FYN: variants seen among roughly 807,000 people sequenced by gnomAD.
The protein encoded by FYN is tyrosine-protein kinase Fyn.
A neutral mutation model predicts 70.2 loss-of-function variants in FYN; 10 were observed. The observed-to-expected ratio is 0.14, with a 90% CI of 0.09 to 0.24. FYN has a LOEUF of 0.24. FYN is among the 10% of genes least tolerant of loss of function. The pLI, the probability that FYN is intolerant of heterozygous loss-of-function variation, is 1.00. For missense variants in FYN, 319 were observed against 673.1 expected, an observed-to-expected ratio of 0.47 and a Z score of 5.82; for synonymous variants, 236 against 248.6, an observed-to-expected ratio of 0.95 and a Z score of 0.48.
Position 111,873,059 on chromosome 6 carries a change from G to T in FYN, c.-214C>A, listed in dbSNP as rs1240709228. On this transcript the variant is annotated 5_prime_UTR_variant, in exon 1 of 14. Coordinates refer to ENST00000354650, the MANE Select transcript of FYN (RefSeq NM_002037.5). The stretch of plus-strand genomic sequence containing the variant: ...GAGGCGGCTCCGGGGGGTCCCCGGC[G>T]GGCCCGGGAGCCGGTGGGCCTTCCG... 6.7e-6 allele frequency: 1 copy of T among 148,484 alleles called. No individual in the cohort carries two copies. The highest frequency in any genetic ancestry group is 6.7e-5 in the Admixed American group (1 of 15,008). The allele number at this position is 148,484 out of a possible 1,614,324, so 9.2% of individuals were successfully genotyped here. A position where few individuals can be genotyped will look rare whatever the true frequency, so the allele number is the denominator to read the frequency against.
chr6:111,804,346 C>T (rs1772083608), intron 2 of FYN, among the ~76,000 whole-genome samples: 1 of 152,166 alleles, frequency 6.6e-6, no homozygotes, highest in South Asian at 2.1e-4. Context: ...ACCCTCTGTT[C>T]TGGGCATTCC....
intron 2 of FYN, among the ~76,000 whole-genome samples, chr6:111,812,415 C>T (rs900216521): frequency 3.3e-5 from 5 of 152,256 alleles, no homozygotes; most frequent in Admixed American, 1.3e-4. Context: ...GTCTACTCTA[C>T]TGGCTGTAAA....
At chr6:111,735,676 G>T (rs562313968) in intron 3 of FYN, among the ~76,000 whole-genome samples, 2 of 152,322 alleles carry the variant, frequency 1.3e-5, no homozygotes, top group Admixed American at 6.5e-5. Flanking sequence ...GATCAAGAAG[G>T]CAAGGGTAGA....
chr6:111,767,595 T>C (rs1335282552), intron 3 of FYN, among the ~76,000 whole-genome samples: 1 of 152,122 alleles, frequency 6.6e-6, no homozygotes, highest in African/African-American at 2.4e-5. Flanking sequence ...AGAGATGGGG[T>C]TTCACCATGT....
chr6:111,737,024 A>G (rs776931582), intron 3 of FYN, among the ~76,000 whole-genome samples: 4 of 152,226 alleles, frequency 2.6e-5, no homozygotes, highest in Non-Finnish European at 2.9e-5. Flanking sequence ...CTGTTCTAAC[A>G]TGGTTGCTGG....
intron 1 of FYN, among the ~76,000 whole-genome samples, chr6:111,865,685 T>A (rs922356401): frequency 5.9e-5 from 9 of 152,226 alleles, no homozygotes; most frequent in African/African-American, 2.2e-4. Context: ...ATCACTCTTT[T>A]TTCATAGGAG....
At chr6:111,850,198 A>G (rs987184388) in intron 1 of FYN, among the ~76,000 whole-genome samples, 1 of 152,262 alleles carries the variant, frequency 6.6e-6, no homozygotes, top group Admixed American at 6.5e-5. Flanking sequence ...GATGAATCCA[A>G]GATTTAAATA....
At chr6:111,692,867 T>A (rs1219200832) in intron 12 of FYN, among the ~76,000 whole-genome samples, 4 of 152,222 alleles carry the variant, frequency 2.6e-5, no homozygotes, top group Non-Finnish European at 2.9e-5. Flanking sequence ...CAAATTCACA[T>A]GCACATTCCT....
chr6:111,750,224 A>G (rs994268), intron 3 of FYN, among the ~76,000 whole-genome samples: 87,650 of 152,048 alleles, frequency 0.58, 26,828 homozygotes, highest in East Asian at 0.87. Context: ...GGTGGGAGGT[A>G]ATTGGGTCAT....
At chr6:111,825,296 C>T (rs771086429) in intron 2 of FYN, among the ~76,000 whole-genome samples, 3 of 152,170 alleles carry the variant, frequency 2.0e-5, no homozygotes, top group Non-Finnish European at 4.4e-5. Context: ...CACCAGACAG[C>T]GAGTTTTATT....
intron 2 of FYN, among the ~76,000 whole-genome samples, chr6:111,800,279 T>A (rs1418028323): frequency 6.6e-6 from 1 of 152,142 alleles, no homozygotes; most frequent in Non-Finnish European, 1.5e-5. Flanking sequence ...GCTTTCAAAT[T>A]TTCTTTCAAG....
intron 3 of FYN, among the ~76,000 whole-genome samples, chr6:111,773,632 AGGGG>A (rs1803588519): frequency 1.7e-4 from 2 of 11,572 alleles, no homozygotes; most frequent in East Asian, 5.5e-3. Context: ...GGGAAAGGAG[AGGGG>A]GAGGGGGAGG....
chr6:111,690,415 A>G (rs1799266906), intron 12 of FYN, among the ~76,000 whole-genome samples: 1 of 152,206 alleles, frequency 6.6e-6, no homozygotes, highest in African/African-American at 2.4e-5. Context: ...CAACAGATCC[A>G]AACCCAAATG....
At chr6:111,710,325 T>C (rs1272769984) in intron 5 of FYN, among the ~76,000 whole-genome samples, 1 of 152,242 alleles carries the variant, frequency 6.6e-6, no homozygotes. Flanking sequence ...TTGCTGCAGG[T>C]TGGGACAAGC....
intron 2 of FYN, among the ~76,000 whole-genome samples, 198 bp downstream of exon 2, chr6:111,846,391 T>C (rs1001258923): frequency 1.6e-4 from 25 of 152,040 alleles, no homozygotes; most frequent in Admixed American, 5.9e-4. Flanking sequence ...AGGGAGAAAA[T>C]AGTGGGTCCA....
In FYN at chr6:111,796,972, ATAC is replaced by A. The variant is rs1771823742; in HGVS notation, c.-81-16340_-81-16338del. ...GTTTTTCAATGGCAGGGGCTATATC[ATAC>A]TTTAAAACACCCACCTCAGTGCTTG... On this transcript the variant is annotated intron_variant, in intron 2 of 13. Coordinates refer to ENST00000354650, the MANE Select transcript of FYN (RefSeq NM_002037.5). Among the ~76,000 whole-genome samples the A allele has an allele frequency of 3.3e-5, 5 of 152,346 alleles. No homozygotes were observed. In the South Asian group the frequency reaches 1.0e-3, roughly 32 times the overall value.
chr6:111,793,187 A>C (rs893352948), intron 2 of FYN, among the ~76,000 whole-genome samples: 4 of 152,240 alleles, frequency 2.6e-5, no homozygotes, highest in African/African-American at 9.6e-5. Flanking sequence ...GTGCCATTTC[A>C]TTAAATTACG....
intron 3 of FYN, among the ~76,000 whole-genome samples, chr6:111,744,204 G>A (rs1323647062): frequency 6.6e-6 from 1 of 152,198 alleles, no homozygotes; most frequent in Non-Finnish European, 1.5e-5. Context: ...CATTGGCCCA[G>A]CAAAAATAGC....
chr6:111,741,376 A>G (rs1801955813), intron 3 of FYN, among the ~76,000 whole-genome samples: 1 of 152,220 alleles, frequency 6.6e-6, no homozygotes, highest in Non-Finnish European at 1.5e-5. Context: ...GGCTATGGTG[A>G]GATGTTTATG....
Sources: gnomAD v4.1 joint callset for allele counts (sites outside exome capture counted in the v4.1 genomes callset) on GRCh38, gnomAD v4.1.1 for gene constraint, MANE v1.5 for transcripts, NCBI Gene and HGNC (gene_info 2026-07-23, HGNC 2026-07-21) for gene names.